Variants in SPATA21 observed in about 807,000 individuals in gnomAD.
SPATA21 encodes the protein spermatogenesis associated 21.
SPATA21 carries 47 observed loss-of-function variants against 54.8 expected under a neutral mutation model. The ratio of observed to expected loss-of-function variants is 0.86; its 90% CI spans 0.68 to 1.09. SPATA21 has a LOEUF of 1.09. Ranked by LOEUF, SPATA21 falls within the 50% of genes least tolerant of loss-of-function variation. SPATA21 has a pLI of 0.00. For synonymous variants in SPATA21, 245 were observed against 235.3 expected, an observed-to-expected ratio of 1.04 and a Z score of -0.38; for missense variants, 599 against 596.4, an observed-to-expected ratio of 1.00 and a Z score of -0.05.
intron 5 of SPATA21, among the ~76,000 whole-genome samples, chr1:16,414,066 C>CT (rs911405683): frequency 2.6e-3 from 398 of 151,088 alleles, no homozygotes; most frequent in African/African-American, 6.2e-3. Context: ...GCCTAGAGTT[C>CT]TTTTTTTTTA....
At chr1:16,420,393 A>G (rs11260753) in intron 5 of SPATA21, among the ~76,000 whole-genome samples, 51,261 of 151,528 alleles carry the variant, frequency 0.34, 9,437 homozygotes, top group Non-Finnish European at 0.41. Context: ...GTATGTTTGT[A>G]CACGCCTGTA....
chr1:16,408,609 A>C, intron 7 of SPATA21: 84 of 853,452 alleles, frequency 9.8e-5, no homozygotes, highest in Non-Finnish European at 1.1e-4. Flanking sequence ...GCGGTGGCTC[A>C]CGCCTGTAAT....
chr1:16,425,592 TCTC>T (rs759146694), intron 3 of SPATA21: 1 of 1,550,118 alleles, frequency 6.5e-7, no homozygotes, highest in South Asian at 1.2e-5. Context: ...TGGCCCTTGA[TCTC>T]CTTTCCGGAG....
Position 16,428,662 on chromosome 1 carries a change from C to T in SPATA21, c.34+2676G>A, listed in dbSNP as rs2086381659. ...AAGTGCTGGGATTACAGGCATGAGG[C>T]ACCGCACCTGGCCTGAACTGGGTTT... On this transcript the variant is annotated intron_variant, in intron 3 of 12. Coordinates refer to ENST00000335496, the MANE Select transcript of SPATA21 (RefSeq NM_198546.1). The surrounding 1 kb of genome is among the most constrained non-coding windows in gnomAD (Gnocchi z 4.3). Among the ~76,000 whole-genome samples the T allele has an allele frequency of 6.6e-6, 1 of 152,062 alleles. No individual in the cohort carries two copies. The highest frequency in any genetic ancestry group is 1.5e-5 in the Non-Finnish European group (1 of 68,022).
In SPATA21 at chr1:16,421,541, T is replaced by C; in HGVS notation, c.112A>G (p.Thr38Ala). The C allele has an allele frequency of 6.2e-7, 1 of 1,613,130 alleles. No individual in the cohort carries two copies. Among genetic ancestry groups the C allele is most frequent in the South Asian group, 1.1e-5 (1 of 90,958 alleles). ...KAKGGGEAVE[T>A]HPAPGPLPPP... is the part of the protein sequence containing the mutation. Reference sequence around the variant, plus strand: ...GGAAGAGGCCCCGGTGCTGGGTGGGTCTCCACAGCCTCACCCCTGAATAGA... The same window carrying C: ...GGAAGAGGCCCCGGTGCTGGGTGGGCCTCCACAGCCTCACCCCTGAATAGA... The change falls in exon 5 of 13, where the codon ACC (threonine) becomes GCC (alanine). Residue 38 changes from threonine to alanine, a missense_variant. Coordinates refer to ENST00000335496, the MANE Select transcript of SPATA21 (RefSeq NM_198546.1). The surrounding 1 kb of genome is among the most constrained non-coding windows in gnomAD (Gnocchi z 5.2).
chr1:16,403,389 T>C (rs1350980809), intron 10 of SPATA21, among the ~76,000 whole-genome samples: 2 of 152,172 alleles, frequency 1.3e-5, no homozygotes, highest in Non-Finnish European at 2.9e-5. Flanking sequence ...TGGTATCATT[T>C]GGTCTCTGGG....
intron 3 of SPATA21, among the ~76,000 whole-genome samples, chr1:16,426,538 C>A (rs1428225297): frequency 1.4e-5 from 2 of 140,340 alleles, no homozygotes; most frequent in South Asian, 2.2e-4. Flanking sequence ...AGATTACAGG[C>A]GTGAACCATG....
At chr1:16,432,318 C>T (rs1232371655) in intron 2 of SPATA21, among the ~76,000 whole-genome samples, 2 of 151,886 alleles carry the variant, frequency 1.3e-5, no homozygotes, top group East Asian at 1.9e-4. Flanking sequence ...GATGGGGTTT[C>T]ACCAGGTTGG....
rs1212559168 is a variant in SPATA21 at position 16,425,331 on chromosome 1, A to G, written c.35-3360T>C. 6 of 670,396 alleles carry G rather than the reference A, an allele frequency of 8.9e-6. No homozygotes were observed. The African/African-American group carries it at 1.1e-4, about 12-fold the overall frequency. 41.5% of individuals were successfully genotyped at this position (670,396 alleles called of 1,614,324 possible). The stretch of plus-strand genomic sequence containing the variant: ...GCAAACATTCTGTCACCCAGGCTGG[A>G]GTGCAGTGGCCTGAACATAGCTCAT... On this transcript the variant is annotated intron_variant, in intron 3 of 12. Transcript: ENST00000335496.
rs2085371803 is a variant in SPATA21 at position 16,399,361 on chromosome 1, T to G, written c.1335A>C (p.Ser445=). ...GCACCCACCTGTTTCCTTGAGATCC[T>G]GACTGGAAGAAGGGGCTGCGGATGT... The part of the protein sequence containing the change: ...DPDIRSPFFQ[S]GSQGNREHNS... Residue 445 remains serine, a synonymous_variant, in exon 12 of 13, where the codon TCA becomes TCC. Transcript: ENST00000335496. 6.2e-7 allele frequency: 1 copy of G among 1,613,100 alleles called. No homozygotes were observed. The highest frequency in any genetic ancestry group is 1.3e-5 in the African/African-American group (1 of 74,890).
downstream of SPATA21, chr1:16,398,572 C>T (rs1013959508): frequency 4.7e-6 from 3 of 633,288 alleles, no homozygotes; most frequent in African/African-American, 5.5e-5. Context: ...GAGGTGGAAC[C>T]CTGCACTCTG....
chr1:16,426,575 ATATAT>A (rs1453324248), intron 3 of SPATA21, among the ~76,000 whole-genome samples: 57 of 117,864 alleles, frequency 4.8e-4, no homozygotes, highest in African/African-American at 1.7e-3. Flanking sequence ...ATATATATAT[ATATAT>A]TTTTTTTTTT....
intron 10 of SPATA21, among the ~76,000 whole-genome samples, chr1:16,403,490 T>C (rs547508501): frequency 7.2e-5 from 9 of 124,564 alleles, no homozygotes; most frequent in South Asian, 5.2e-4. Context: ...TTTCTTTTTT[T>C]TCTTTTTTTT....
intron 5 of SPATA21, among the ~76,000 whole-genome samples, chr1:16,420,402 T>C (rs1240817626): frequency 6.6e-6 from 1 of 151,858 alleles, no homozygotes; most frequent in Non-Finnish European, 1.5e-5. Context: ...TACACGCCTG[T>C]AGTCCCAGCT....
intron 3 of SPATA21, among the ~76,000 whole-genome samples, chr1:16,422,717 A>G (rs2086207019): frequency 1.3e-5 from 2 of 152,066 alleles, no homozygotes; most frequent in African/African-American, 2.4e-5. Flanking sequence ...TATGTTGCTC[A>G]GGCTGGTCTT....
intron 1 of SPATA21, among the ~76,000 whole-genome samples, chr1:16,436,774 T>G (rs888891618): frequency 6.8e-6 from 1 of 147,442 alleles, no homozygotes; most frequent in Admixed American, 6.7e-5. Flanking sequence ...TCAAAAAAAA[T>G]TACTAATGTA....
At chr1:16,411,782 T>C (rs1570139525) in intron 5 of SPATA21, among the ~76,000 whole-genome samples, 1 of 107,926 alleles carries the variant, frequency 9.3e-6, no homozygotes, top group Non-Finnish European at 1.8e-5. Flanking sequence ...AGAGCAAGAC[T>C]CTGTCTCAAA....
intron 10 of SPATA21, among the ~76,000 whole-genome samples, chr1:16,403,001 G>A (rs1242296203): frequency 1.3e-5 from 2 of 152,148 alleles, no homozygotes; most frequent in Admixed American, 6.5e-5. Flanking sequence ...ATGGAGGCTC[G>A]GGCTCCTCTG....
Position 16,398,716 on chromosome 1 carries a change from A to G in SPATA21, c.*49T>C. 3 of 1,605,722 alleles carry G rather than the reference A, an allele frequency of 1.9e-6. No homozygotes were observed. Among genetic ancestry groups the G allele is most frequent in the Non-Finnish European group, 2.6e-6 (3 of 1,172,532 alleles). On this transcript the variant is annotated 3_prime_UTR_variant, in exon 13 of 13. Coordinates refer to ENST00000335496, the MANE Select transcript of SPATA21 (RefSeq NM_198546.1). ...AGCAGCAGCTCCTGCCTGGTGGCCC[A>G]TCTGTCTACAGGCCTTGAGCAGCTG...
Sources: gnomAD v4.1 joint callset for allele counts (sites outside exome capture counted in the v4.1 genomes callset) on GRCh38, gnomAD v4.1.1 for gene constraint, Gnocchi (gnomAD v3.1) non-coding constraint, MANE v1.5 for transcripts, NCBI Gene and HGNC (gene_info 2026-07-23, HGNC 2026-07-21) for gene names.